The following SMAD5 variants were observed in gnomAD, a reference collection of about 807,000 sequenced individuals.
SMAD5 encodes SMAD family member 5.
Under a neutral mutation model 43.1 loss-of-function variants are expected in SMAD5, and 9 were observed. The ratio of observed to expected loss-of-function variants is 0.21; its 90% CI spans 0.13 to 0.36. SMAD5 has a LOEUF of 0.36. Ranked by LOEUF, SMAD5 falls within the 10% of genes least tolerant of loss-of-function variation. The probability of loss-of-function intolerance (pLI) is 1.00; values close to 1 mark genes in which losing one functional copy is unlikely to be tolerated. For missense variants in SMAD5, 348 were observed against 574.0 expected, an observed-to-expected ratio of 0.61 and a Z score of 4.02; for synonymous variants, 190 against 192.4, an observed-to-expected ratio of 0.99 and a Z score of 0.10.
chr5:136,143,259 C>T (rs1280704061), intron 1 of SMAD5, among the ~76,000 whole-genome samples: 1 of 149,944 alleles, frequency 6.7e-6, no homozygotes, highest in Non-Finnish European at 1.5e-5. Flanking sequence ...TGACATCCCT[C>T]GTATCTCTTT....
intron 1 of SMAD5, among the ~76,000 whole-genome samples, chr5:136,145,061 A>G (rs1022754726): frequency 6.6e-6 from 1 of 151,946 alleles, no homozygotes. Flanking sequence ...GGAGCATCAG[A>G]AAGGACTTTG....
chr5:136,181,020 A>G lies in SMAD5; in HGVS notation c.*3540A>G, dbSNP rs906501247. The G allele has an allele frequency of 6.6e-6, 1 of 152,080 alleles. No individual in the cohort carries two copies. Among genetic ancestry groups the G allele is most frequent in the African/African-American group, 2.4e-5 (1 of 41,438 alleles). The allele number at this position is 152,080 out of a possible 1,614,324, so 9.4% of individuals were successfully genotyped here. On this transcript the variant is annotated 3_prime_UTR_variant, in exon 8 of 8. Coordinates refer to ENST00000545279, the MANE Select transcript of SMAD5 (RefSeq NM_005903.7). ...TTTGTTGGAAGAGAATGTTTATACAAAAAATGAAATTCTTCCAACAGCAGA... is the reference window on the plus strand; with the variant it reads ...TTTGTTGGAAGAGAATGTTTATACAGAAAATGAAATTCTTCCAACAGCAGA...
chr5:136,168,143 A>G (rs1272740944), intron 5 of SMAD5, among the ~76,000 whole-genome samples: 1 of 152,050 alleles, frequency 6.6e-6, no homozygotes, highest in African/African-American at 2.4e-5. Context: ...ACCCAGCCAT[A>G]TTCCTGCCTT....
intron 5 of SMAD5, among the ~76,000 whole-genome samples, chr5:136,170,222 T>G (rs1381683383): frequency 6.6e-6 from 1 of 152,200 alleles, no homozygotes; most frequent in East Asian, 1.9e-4. Context: ...AGTTTTGCAT[T>G]TTACATTTAG....
intron 2 of SMAD5, among the ~76,000 whole-genome samples, chr5:136,148,516 T>C (rs1753341138): frequency 6.6e-6 from 1 of 151,804 alleles, no homozygotes; most frequent in Non-Finnish European, 1.5e-5. Flanking sequence ...ATTCCTTCTA[T>C]ACAACATTCA....
intron 3 of SMAD5, among the ~76,000 whole-genome samples, chr5:136,159,832 G>C (rs1388696489): frequency 6.6e-6 from 1 of 152,232 alleles, no homozygotes; most frequent in Admixed American, 6.5e-5. Flanking sequence ...ACACTGGATT[G>C]TTGTGTACAT....
At chr5:136,151,758 C>G (rs961049524) in intron 2 of SMAD5, among the ~76,000 whole-genome samples, 6 of 152,044 alleles carry the variant, frequency 3.9e-5, no homozygotes, top group African/African-American at 1.4e-4. Flanking sequence ...AGGCCTGTCT[C>G]TTATCTAGCC....
At position 136,154,047 on chromosome 5, in the gene SMAD5, C is replaced by T; in HGVS notation, c.287C>T (p.Pro96Leu). ...HVIYCRVWRW[P>L]DLQSHHELKP... ...ATATATTGTCGTGTTTGGCGCTGGCCGGATTTGCAGAGTCATCATGAGCTA... is the reference window on the plus strand; with the variant it reads ...ATATATTGTCGTGTTTGGCGCTGGCTGGATTTGCAGAGTCATCATGAGCTA... The change falls in exon 3 of 8, where the codon CCG becomes CTG. Residue 96 changes from proline to leucine, a missense_variant. By Grantham distance (98) the Pro-to-Leu change is moderately conservative. This residue lies in a region of SMAD5 where 27 missense variants were observed against 53.9 expected (regional missense o/e 0.50). Coordinates refer to ENST00000545279, the MANE Select transcript of SMAD5 (RefSeq NM_005903.7). The T allele has an allele frequency of 1.2e-6, 2 of 1,605,954 alleles. No homozygotes were observed. Among genetic ancestry groups the T allele is most frequent in the East Asian group, 2.2e-5 (1 of 44,740 alleles).
At chr5:136,148,254 G>T (rs975929863) in intron 2 of SMAD5, among the ~76,000 whole-genome samples, 2 of 150,306 alleles carry the variant, frequency 1.3e-5, no homozygotes, top group Non-Finnish European at 1.5e-5. Flanking sequence ...GCTTTAAGTT[G>T]TTCTTTTTTT....
chr5:136,156,898 C>T (rs1331772388), intron 3 of SMAD5, among the ~76,000 whole-genome samples: 3 of 152,142 alleles, frequency 2.0e-5, no homozygotes, highest in African/African-American at 7.2e-5. Context: ...TCATGTTTCG[C>T]CCTGAGCCCA....
chr5:136,176,156 TAA>T (rs919898966), intron 7 of SMAD5, among the ~76,000 whole-genome samples: 1 of 145,128 alleles, frequency 6.9e-6, no homozygotes, highest in African/African-American at 2.5e-5. Flanking sequence ...AATTTTTCGT[TAA>T]AAAAAAAAAC....
chr5:136,165,689 T>TGACTGGC (rs1753982705), intron 5 of SMAD5, among the ~76,000 whole-genome samples: 1 of 121,744 alleles, frequency 8.2e-6, no homozygotes. Context: ...TTTTTTTTTT[T>TGACTGGC]TTTTTTTTTT....
At chr5:136,163,146 C>T (rs1366601155) in intron 4 of SMAD5, 126 bp from the exon 5 acceptor site, 4 of 737,644 alleles carry the variant, frequency 5.4e-6, no homozygotes, top group Non-Finnish European at 8.5e-6. Context: ...GGATAGTATC[C>T]TACATTTTTT....
intron 5 of SMAD5, among the ~76,000 whole-genome samples, chr5:136,171,003 T>A (rs1302155556): frequency 6.6e-6 from 1 of 152,178 alleles, no homozygotes; most frequent in East Asian, 1.9e-4. Flanking sequence ...AATCATGTAA[T>A]TTGCAAACAA....
In SMAD5 at chr5:136,158,909, A is replaced by AC. The variant is rs375242522; in HGVS notation, c.404-1947_404-1946insC. Among the ~76,000 whole-genome samples the AC allele has an allele frequency of 1.4e-3, 220 of 152,124 alleles. 2 individuals carry two copies. Among genetic ancestry groups the AC allele is most frequent in the African/African-American group, 5.0e-3 (209 of 41,468 alleles). ...GCGAGACTCCATCTCAAAAAAAAAA[A>AC]GATGGAAGATCCAAGGGAAAACGTA... On this transcript the variant is annotated intron_variant, in intron 3 of 7. Transcript: ENST00000545279.
intron 7 of SMAD5, among the ~76,000 whole-genome samples, chr5:136,176,639 A>G (rs1295560582): frequency 3.3e-5 from 5 of 151,486 alleles, no homozygotes; most frequent in South Asian, 4.2e-4. Flanking sequence ...ACATACCCCA[A>G]TCTACCTAGA....
chr5:136,144,935 C>G (rs1384470543), intron 1 of SMAD5, among the ~76,000 whole-genome samples: 2 of 148,608 alleles, frequency 1.3e-5, no homozygotes, highest in African/African-American at 5.0e-5. Context: ...AAAAGCAACA[C>G]TGAGGAATAT....
intron 6 of SMAD5, 170 bp downstream of exon 6, chr5:136,172,825 C>G: frequency 5.1e-6 from 3 of 592,464 alleles, no homozygotes; most frequent in Non-Finnish European, 9.0e-6. Flanking sequence ...CATGATGTTC[C>G]CTCATTTTTT....
intron 2 of SMAD5, among the ~76,000 whole-genome samples, chr5:136,151,699 A>G (rs1274256245): frequency 6.6e-6 from 1 of 151,824 alleles, no homozygotes; most frequent in African/African-American, 2.4e-5. Context: ...TACGTACACT[A>G]CCCTATCTAG....
Sources: allele counts gnomAD v4.1 joint callset (sites outside exome capture counted in the v4.1 genomes callset), GRCh38; gene constraint gnomAD v4.1.1; regional missense constraint gnomAD v4.1.1; transcripts MANE v1.5; gene names NCBI Gene and HGNC (gene_info 2026-07-23, HGNC 2026-07-21).